SNTG1: variants seen among roughly 807,000 people sequenced by gnomAD.
The protein encoded by SNTG1 is syntrophin gamma 1, also known as gamma-1-syntrophin.
In SNTG1, 39 loss-of-function variants were observed where a neutral mutation model predicts 74.7. The observed-to-expected ratio is 0.52, with a 90% CI of 0.40 to 0.68. SNTG1 has a LOEUF of 0.68. Ranked by LOEUF, SNTG1 falls within the 30% of genes least tolerant of loss-of-function variation. The pLI, the probability that SNTG1 is intolerant of heterozygous loss-of-function variation, is 0.00. For synonymous variants in SNTG1, 254 were observed against 217.1 expected, an observed-to-expected ratio of 1.17 and a Z score of -1.49; for missense variants, 685 against 609.5, an observed-to-expected ratio of 1.12 and a Z score of -1.30.
chr8:50,340,514 A>G (rs1308142428), intron 2 of SNTG1, among the ~76,000 whole-genome samples: 1 of 152,060 alleles, frequency 6.6e-6, no homozygotes, highest in Non-Finnish European at 1.5e-5. Flanking sequence ...CTGGACATCC[A>G]CATGAAAGAA....
intron 1 of SNTG1, among the ~76,000 whole-genome samples, chr8:50,115,581 A>AAAAAAAAAAAAAAAAAAAAAAAAAAAAC (rs1563617770): frequency 2.0e-5 from 3 of 147,834 alleles, no homozygotes; most frequent in African/African-American, 7.5e-5. Context: ...AAAAAAAAAA[A>AAAAAAAAAAAAAAAAAAAAAAAAAAAAC]AAAAAACGAG....
intron 8 of SNTG1, among the ~76,000 whole-genome samples, chr8:50,460,933 A>G (rs547663481): frequency 2.0e-5 from 3 of 152,256 alleles, no homozygotes; most frequent in South Asian, 4.1e-4. Context: ...TGAAATTATT[A>G]CTAATATATT....
At chr8:50,559,443 T>A (rs2094474499) in intron 12 of SNTG1, among the ~76,000 whole-genome samples, 1 of 151,816 alleles carries the variant, frequency 6.6e-6, no homozygotes, top group South Asian at 2.1e-4. Flanking sequence ...TAAAAGAAGT[T>A]CATAAAAAAA....
At chr8:50,203,764 C>CTG (rs1168367589) in intron 2 of SNTG1, among the ~76,000 whole-genome samples, 4 of 150,076 alleles carry the variant, frequency 2.7e-5, no homozygotes, top group East Asian at 2.0e-4. Context: ...GTGTGTGTTT[C>CTG]TGTGTGTGTG....
At chr8:49,936,799 A>G (rs905188036) in intron 1 of SNTG1, among the ~76,000 whole-genome samples, 2 of 152,202 alleles carry the variant, frequency 1.3e-5, no homozygotes, top group African/African-American at 2.4e-5. Context: ...AGCAAAAAAC[A>G]GCAATTATGT....
intron 1 of SNTG1, among the ~76,000 whole-genome samples, chr8:50,006,238 G>A (rs1268086737): frequency 6.6e-6 from 1 of 152,056 alleles, no homozygotes; most frequent in Non-Finnish European, 1.5e-5. Flanking sequence ...TGGGATTACA[G>A]GCGTGAGCCA....
At position 50,652,813 on chromosome 8, in the gene SNTG1, A is replaced by G. The variant is rs559034521; in HGVS notation, c.850-4096A>G. 2.0e-5 allele frequency among the ~76,000 whole-genome samples: 3 copies of G among 152,006 alleles called. No individual in the cohort carries two copies. The South Asian group carries it at 6.2e-4, about 32-fold the overall frequency. On this transcript the variant is annotated intron_variant, in intron 13 of 18. Coordinates refer to ENST00000642720, the MANE Select transcript of SNTG1 (RefSeq NM_018967.5). ...CTGTCTCAAAAACAATAATAAGTAA[A>G]TAAATAAATAAATAATAAATAAATA...
intron 2 of SNTG1, among the ~76,000 whole-genome samples, chr8:50,354,712 G>A (rs1049297249): frequency 3.9e-5 from 6 of 152,114 alleles, no homozygotes; most frequent in African/African-American, 1.4e-4. Context: ...GGGTCTGCAG[G>A]TCAGGATCTC....
chr8:50,138,449 C>G (rs1182156390), intron 1 of SNTG1, among the ~76,000 whole-genome samples: 1 of 151,534 alleles, frequency 6.6e-6, no homozygotes, highest in Non-Finnish European at 1.5e-5. Context: ...GAAACTCCAT[C>G]TCTACTAATA....
chr8:49,936,060 G>GA (rs969405453), intron 1 of SNTG1, among the ~76,000 whole-genome samples: 6 of 152,066 alleles, frequency 3.9e-5, no homozygotes, highest in African/African-American at 7.2e-5. Flanking sequence ...TATGAACACT[G>GA]AAAAAAATCC....
chr8:50,065,284 A>G (rs1820812817), intron 1 of SNTG1, among the ~76,000 whole-genome samples: 1 of 152,224 alleles, frequency 6.6e-6, no homozygotes, highest in African/African-American at 2.4e-5. Context: ...CTGGAAAAAG[A>G]TAACGTAAAG....
At chr8:50,189,555 C>T (rs1010572339) in intron 2 of SNTG1, among the ~76,000 whole-genome samples, 2 of 152,016 alleles carry the variant, frequency 1.3e-5, no homozygotes, top group Non-Finnish European at 2.9e-5. Flanking sequence ...TATGATTTGT[C>T]CCTGATAACT....
intron 13 of SNTG1, among the ~76,000 whole-genome samples, chr8:50,632,285 T>TTTTA (rs745874673): frequency 0.018 from 2,426 of 134,366 alleles, 28 homozygotes; most frequent in East Asian, 0.05. Context: ...GTCTTTTTAA[T>TTTTA]TTTATTTATT....
At chr8:50,040,116 A>G (rs1432604075) in intron 1 of SNTG1, among the ~76,000 whole-genome samples, 2 of 152,148 alleles carry the variant, frequency 1.3e-5, no homozygotes, top group Non-Finnish European at 2.9e-5. Context: ...TAAGAGCAGG[A>G]GTTTAGAACA....
chr8:50,488,257 C>G (rs759591115), intron 8 of SNTG1, among the ~76,000 whole-genome samples: 1 of 152,036 alleles, frequency 6.6e-6, no homozygotes. Flanking sequence ...TTGCCACTGA[C>G]TATTTTAAGA....
At chr8:50,777,204 G>A (rs1585766369) in intron 18 of SNTG1, among the ~76,000 whole-genome samples, 2 of 143,664 alleles carry the variant, frequency 1.4e-5, no homozygotes, top group East Asian at 3.9e-4. Context: ...TTTGGACTCT[G>A]AAGACATGAA....
At chr8:50,774,313 A>T (rs2095634542) in intron 18 of SNTG1, among the ~76,000 whole-genome samples, 1 of 151,950 alleles carries the variant, frequency 6.6e-6, no homozygotes, top group African/African-American at 2.4e-5. Context: ...TAAAATTATC[A>T]TGATTCACCA....
intron 4 of SNTG1, among the ~76,000 whole-genome samples, chr8:50,417,919 G>T (rs1482338955): frequency 2.0e-5 from 3 of 151,862 alleles, no homozygotes; most frequent in African/African-American, 7.3e-5. Context: ...CAAAGACATC[G>T]TTCCAGCAAT....
chr8:50,326,395 T>A (rs779965274), intron 2 of SNTG1, among the ~76,000 whole-genome samples: 12 of 152,032 alleles, frequency 7.9e-5, no homozygotes, highest in Non-Finnish European at 1.6e-4. Context: ...AGAATGACTG[T>A]TTCTTCTTGT....
Sources: gnomAD v4.1 joint callset for allele counts (sites outside exome capture counted in the v4.1 genomes callset) on GRCh38, gnomAD v4.1.1 for gene constraint, MANE v1.5 for transcripts, NCBI Gene and HGNC (gene_info 2026-07-23, HGNC 2026-07-21) for gene names.